Variants in NRXN1 observed in about 807,000 individuals in gnomAD.
NRXN1 encodes neurexin-1.
NRXN1 carries 39 observed loss-of-function variants against 150.9 expected under a neutral mutation model. The ratio of observed to expected loss-of-function variants is 0.26; its 90% confidence interval spans 0.20 to 0.34. The LOEUF is 0.34. NRXN1 is among the 10% of genes least tolerant of loss of function. The pLI is 1.00. For missense variants in NRXN1, 1,815 were observed against 1,949.9 expected (o/e 0.93, Z 1.30); for synonymous variants, 924 against 757.0 (o/e 1.22, Z -3.62).
intron 5 of NRXN1, among the ~76,000 whole-genome samples, chr2:50,674,815 T>C (rs898382241): frequency 6.6e-6 from 1 of 152,108 alleles, no homozygotes; most frequent in Non-Finnish European, 1.5e-5. Flanking sequence ...AGTTTAATTT[T>C]AAATACATTT....
intron 5 of NRXN1, among the ~76,000 whole-genome samples, chr2:50,686,847 T>C (rs376755742): frequency 3.9e-5 from 6 of 152,334 alleles, no homozygotes; most frequent in Admixed American, 6.5e-5. Flanking sequence ...ATTATGCATG[T>C]AAATGGGAAT....
intron 21 of NRXN1, among the ~76,000 whole-genome samples, chr2:49,995,021 G>C (rs1385004532): frequency 1.3e-5 from 2 of 152,134 alleles, no homozygotes; most frequent in African/African-American, 4.8e-5. Context: ...AACACTCCTT[G>C]ATAACAAGAA....
At chr2:50,641,333 A>G (rs1008067211) in intron 5 of NRXN1, among the ~76,000 whole-genome samples, 1 of 152,038 alleles carries the variant, frequency 6.6e-6, no homozygotes, top group African/African-American at 2.4e-5. Context: ...TGCATGTTGG[A>G]CTAATTAAAA....
chr2:50,959,274 C>T lies in NRXN1; in HGVS notation c.773-33319G>A, dbSNP rs187610936. On this transcript the variant is annotated intron_variant, in intron 2 of 22. Transcript: ENST00000401669. Reference sequence around the variant, plus strand: ...ACTGTCATATACATACTCAAGAGAACGGAAAATATATGTTCACATAAAAAC... The same window carrying T: ...ACTGTCATATACATACTCAAGAGAATGGAAAATATATGTTCACATAAAAAC... Among the ~76,000 whole-genome samples the T allele has an allele frequency of 6.5e-4, 98 of 151,894 alleles. 1 individual carries two copies. Among genetic ancestry groups the T allele is most frequent in the South Asian group, 2.3e-3 (11 of 4,816 alleles).
chr2:50,052,061 C>T (rs1692801171), intron 21 of NRXN1, among the ~76,000 whole-genome samples: 1 of 152,014 alleles, frequency 6.6e-6, no homozygotes, highest in Admixed American at 6.6e-5. Flanking sequence ...CTTTTCCATT[C>T]AAAGTAAAAA....
chr2:50,087,043 T>A (rs1034511968), intron 19 of NRXN1, among the ~76,000 whole-genome samples: 2 of 152,180 alleles, frequency 1.3e-5, no homozygotes, highest in Non-Finnish European at 2.9e-5. Flanking sequence ...CCTAAATGAA[T>A]GCATGCTTGA....
chr2:50,223,636 T>C (rs1224227149), intron 18 of NRXN1, among the ~76,000 whole-genome samples: 1 of 151,946 alleles, frequency 6.6e-6, no homozygotes, highest in Non-Finnish European at 1.5e-5. Flanking sequence ...TTATTCCTAA[T>C]TAACAGTAAT....
intron 18 of NRXN1, among the ~76,000 whole-genome samples, chr2:50,234,200 A>G (rs781041321): frequency 2.0e-5 from 3 of 152,096 alleles, no homozygotes; most frequent in Admixed American, 6.6e-5. Context: ...ATATGCTTAA[A>G]ACATGGAAAA....
At chr2:50,593,259 T>A (rs1056020579) in intron 8 of NRXN1, among the ~76,000 whole-genome samples, 1 of 152,212 alleles carries the variant, frequency 6.6e-6, no homozygotes, top group African/African-American at 2.4e-5. Context: ...TTGGAGCATA[T>A]TTTCTTCATT....
chr2:50,583,367 T>TA (rs1672594118), intron 8 of NRXN1, among the ~76,000 whole-genome samples: 1 of 152,116 alleles, frequency 6.6e-6, no homozygotes, highest in Non-Finnish European at 1.5e-5. Flanking sequence ...CTGATTAACC[T>TA]ACTCACCTTT....
At chr2:50,989,908 A>G (rs907715636) in intron 2 of NRXN1, among the ~76,000 whole-genome samples, 4 of 152,078 alleles carry the variant, frequency 2.6e-5, no homozygotes, top group Non-Finnish European at 4.4e-5. Flanking sequence ...TTCCCAAAAC[A>G]ACTTTATCAT....
At chr2:50,927,385 A>G (rs1411584869) in intron 2 of NRXN1, among the ~76,000 whole-genome samples, 1 of 152,042 alleles carries the variant, frequency 6.6e-6, no homozygotes, top group Non-Finnish European at 1.5e-5. Context: ...ACATCTTTAC[A>G]CAATACTTGG....
intron 18 of NRXN1, among the ~76,000 whole-genome samples, chr2:50,146,340 A>G (rs1708004783): frequency 1.3e-5 from 2 of 151,744 alleles, no homozygotes; most frequent in Non-Finnish European, 3.0e-5. Context: ...ATATACCCAA[A>G]GGATTACAAA....
At chr2:50,088,938 A>T (rs1699177549) in intron 19 of NRXN1, among the ~76,000 whole-genome samples, 1 of 152,174 alleles carries the variant, frequency 6.6e-6, no homozygotes, top group African/African-American at 2.4e-5. Flanking sequence ...CATTTTTGAA[A>T]ACATAAAATA....
intron 5 of NRXN1, among the ~76,000 whole-genome samples, chr2:50,816,361 A>C (rs1325706257): frequency 6.6e-6 from 1 of 152,104 alleles, no homozygotes; most frequent in East Asian, 1.9e-4. Context: ...TGAAGCCAGG[A>C]GCCTTATGCT....
chr2:50,629,716 T>C (rs573851818), intron 5 of NRXN1, among the ~76,000 whole-genome samples: 21 of 151,788 alleles, frequency 1.4e-4, no homozygotes, highest in African/African-American at 4.8e-4. Context: ...AAGACACTAT[T>C]CCTATTAATG....
chr2:50,108,596 A>C (rs1181420058), intron 18 of NRXN1, among the ~76,000 whole-genome samples: 2 of 152,096 alleles, frequency 1.3e-5, no homozygotes, highest in Non-Finnish European at 2.9e-5. Flanking sequence ...AAAAAAGCAA[A>C]ATACTAAGAT....
At chr2:50,030,166 G>T (rs80236868) in intron 21 of NRXN1, among the ~76,000 whole-genome samples, 2,709 of 152,164 alleles carry the variant, frequency 0.018, 36 homozygotes, top group Non-Finnish European at 0.024. Context: ...TTGACTAAAG[G>T]TTAGACAGGT....
intron 5 of NRXN1, chr2:50,637,500 T>C (rs1453538401): frequency 6.6e-6 from 1 of 152,224 alleles, no homozygotes; most frequent in African/African-American, 2.4e-5. Flanking sequence ...ACAGAATTTA[T>C]GAGAAAGACT....
Sources: allele counts gnomAD v4.1 joint callset (sites outside exome capture counted in the v4.1 genomes callset), GRCh38; gene constraint gnomAD v4.1.1; transcripts MANE v1.5; gene names NCBI Gene and HGNC (gene_info 2026-07-23, HGNC 2026-07-21).